The following GPAT4 variants were observed in gnomAD, a reference collection of about 807,000 sequenced individuals.
GPAT4 encodes 1-AGP acyltransferase 6.
GPAT4 carries 17 observed loss-of-function variants against 58.0 expected under a neutral mutation model. The observed-to-expected ratio is 0.29, with a 90% CI of 0.20 to 0.44. GPAT4 has a LOEUF of 0.44. GPAT4 is among the 20% of genes least tolerant of loss of function. The pLI, the probability that GPAT4 is intolerant of heterozygous loss-of-function variation, is 1.00. For synonymous variants in GPAT4, 204 were observed against 210.1 expected (o/e 0.97, Z 0.25); for missense variants, 377 against 574.5 (o/e 0.66, Z 3.51).
intron 12 of GPAT4, 45 bp from the exon 13 acceptor site, chr8:41,620,848 G>A: frequency 1.3e-6 from 2 of 1,549,200 alleles, no homozygotes; most frequent in Non-Finnish European, 1.7e-6. Context: ...GAGCGTGGCT[G>A]GGAGCCCTCT....
rs528447868 is a variant in GPAT4, at chr8:41,619,983, C to CA, written c.1263-907dup. 3.8e-4 allele frequency among the ~76,000 whole-genome samples: 58 copies of CA among 152,308 alleles called. 1 individual carries two copies. Among genetic ancestry groups the CA allele is most frequent in the Middle Eastern group, 3.4e-3 (1 of 294 alleles). ...ATTTTGCAGATGAGAAACTGAGACT[C>CA]AAATCACTTTTTTCCAAAGTCATAA... On this transcript the variant is annotated intron_variant, in intron 12 of 12. Coordinates refer to ENST00000396987, the MANE Select transcript of GPAT4 (RefSeq NM_178819.4).
At position 41,620,928 on chromosome 8, in the gene GPAT4, C is replaced by A; in HGVS notation, c.1298C>A (p.Thr433Lys). The change falls in exon 13 of 13, where the codon ACG (threonine) becomes AAG (lysine). Residue 433 changes from threonine (T) to lysine (K), a missense_variant. Thr to Lys is a moderately conservative substitution (Grantham distance 78). Transcript: ENST00000396987. ...GGLKREKVKDTFKEEQQKLYS... is the reference protein window; with the variant it reads ...GGLKREKVKDKFKEEQQKLYS... ...CTGAAGAGGGAGAAGGTGAAGGACA[C>A]GTTCAAGGAGGAGCAGCAGAAGCTG... The A allele has an allele frequency of 6.4e-7, 1 of 1,551,692 alleles. No individual in the cohort carries two copies. Among genetic ancestry groups the A allele is most frequent in the South Asian group, 1.2e-5 (1 of 84,056 alleles).
chr8:41,610,916 A>G, intron 5 of GPAT4, 106 bp downstream of exon 5: 1 of 1,186,622 alleles, frequency 8.4e-7, no homozygotes, highest in South Asian at 1.7e-5. Context: ...AAGCCATGGA[A>G]TCTTAGATGG....
chr8:41,599,584 T>TC (rs1423192400), intron 2 of GPAT4, among the ~76,000 whole-genome samples: 8 of 152,112 alleles, frequency 5.3e-5, no homozygotes, highest in African/African-American at 9.7e-5. Context: ...GCACTGCCAA[T>TC]CTCTGTCTCT....
At position 41,624,711 on chromosome 8, in the gene GPAT4, A is replaced by T. The variant is rs1469992642; in HGVS notation, c.*3710A>T. 1 of 152,222 alleles carries T rather than the reference A, an allele frequency of 6.6e-6. No individual in the cohort carries two copies. Among genetic ancestry groups the T allele is most frequent in the Non-Finnish European group, 1.5e-5 (1 of 68,054 alleles). 9.4% of individuals were successfully genotyped at this position (152,222 alleles called of 1,614,324 possible). On this transcript the variant is annotated 3_prime_UTR_variant, in exon 13 of 13. Transcript: ENST00000396987. The stretch of plus-strand genomic sequence containing the variant: ...AGTCAATATGTCTCTCTCCGATGGG[A>T]AAGTTAATAAATTTTGCTCTAGATT...
At chr8:41,603,542 A>G (rs1803165368) in intron 2 of GPAT4, among the ~76,000 whole-genome samples, 1 of 151,802 alleles carries the variant, frequency 6.6e-6, no homozygotes, top group Admixed American at 6.6e-5. Context: ...AAAAAAAAAA[A>G]AAAAGTAATT....
At chr8:41,616,039 C>CTG (rs1803586889) in intron 10 of GPAT4, among the ~76,000 whole-genome samples, 1 of 152,188 alleles carries the variant, frequency 6.6e-6, no homozygotes, top group Admixed American at 6.5e-5. Context: ...CCTGAGGATG[C>CTG]TGTGTCTGGA....
chr8:41,582,477 A>ACAC (rs745563724), intron 1 of GPAT4, among the ~76,000 whole-genome samples: 5 of 96,652 alleles, frequency 5.2e-5, no homozygotes, highest in Non-Finnish European at 1.2e-4. Flanking sequence ...ACACACACAC[A>ACAC]TCTTTCTTTC....
chr8:41,599,006 G>A lies in GPAT4; in HGVS notation c.-134G>A, dbSNP rs368137766. ...TTCTATTCAGGCGGTTGAAGGGTGT[G>A]GACTTTGGAATGGGGTTTGCTGTTC... On this transcript the variant is annotated 5_prime_UTR_variant, in exon 2 of 13. Coordinates refer to ENST00000396987, the MANE Select transcript of GPAT4 (RefSeq NM_178819.4). 7.3e-5 allele frequency: 89 copies of A among 1,218,500 alleles called. 1 individual carries two copies. The highest frequency in any genetic ancestry group is 6.1e-4 in the East Asian group (26 of 42,316). 75.5% of individuals were successfully genotyped at this position (1,218,500 alleles called of 1,614,324 possible).
In GPAT4 at chr8:41,612,871, G is replaced by A. The variant is rs765075072; in HGVS notation, c.822G>A (p.Met274Ile). Residue 274 changes from methionine (M) to isoleucine (I), a missense_variant, in exon 8 of 13, where the codon ATG becomes ATA. Coordinates refer to ENST00000396987, the MANE Select transcript of GPAT4 (RefSeq NM_178819.4). ...AMVGQVHGGL[M>I]GVIQRAMVKA... ...TGGGTCAAGTGCACGGGGGACTCAT[G>A]GGTGTGATTCAGAGAGCCATGGTGA... 4 of 1,613,950 alleles carry A rather than the reference G, an allele frequency of 2.5e-6. No homozygotes were observed. In the Admixed American group the frequency reaches 5.0e-5, roughly 20 times the overall value.
chr8:41,603,834 C>T (rs971701490), intron 2 of GPAT4, among the ~76,000 whole-genome samples: 1 of 152,176 alleles, frequency 6.6e-6, no homozygotes, highest in Non-Finnish European at 1.5e-5. Context: ...CCCTGAAGGC[C>T]AGCACCAGCC....
chr8:41,597,606 C>T (rs1802967555), intron 1 of GPAT4, among the ~76,000 whole-genome samples: 1 of 152,026 alleles, frequency 6.6e-6, no homozygotes, highest in Non-Finnish European at 1.5e-5. Context: ...TGTACTAAGT[C>T]ATGCATGTAC....
intron 2 of GPAT4, among the ~76,000 whole-genome samples, chr8:41,607,406 G>C (rs1055334669): frequency 6.6e-6 from 1 of 152,146 alleles, no homozygotes; most frequent in Non-Finnish European, 1.5e-5. Flanking sequence ...GAGCCTGCAG[G>C]CGTCTTGAAT....
chr8:41,599,320 A>T lies in GPAT4; in HGVS notation c.165+16A>T. ...AATCTTTGCGGTAAGTTATGCTGTT[A>T]CAAAAGGTTGCTTCACAGAGGAGGG... On this transcript the variant is annotated intron_variant, in intron 2 of 12. Coordinates refer to ENST00000396987, the MANE Select transcript of GPAT4 (RefSeq NM_178819.4). 1 of 1,612,716 alleles carries T rather than the reference A, an allele frequency of 6.2e-7. No homozygotes were observed. Among genetic ancestry groups the T allele is most frequent in the Non-Finnish European group, 8.5e-7 (1 of 1,179,606 alleles).
intron 1 of GPAT4, among the ~76,000 whole-genome samples, chr8:41,581,345 C>G (rs1369746233): frequency 6.6e-6 from 1 of 152,162 alleles, no homozygotes; most frequent in Non-Finnish European, 1.5e-5. Context: ...TTGCCTTGTA[C>G]AATCTTAGTA....
chr8:41,613,786 C>T (rs996702508), intron 8 of GPAT4, among the ~76,000 whole-genome samples: 5 of 152,000 alleles, frequency 3.3e-5, no homozygotes, highest in Non-Finnish European at 4.4e-5. Flanking sequence ...CGTGGTGGTA[C>T]GCTTCTGTAG....
chr8:41,614,274 T>C, intron 8 of GPAT4, 112 bp from the exon 9 acceptor site: 1 of 891,016 alleles, frequency 1.1e-6, no homozygotes, highest in East Asian at 2.7e-5. Context: ...GTTATGCTTG[T>C]TAACTTTTTA....
At chr8:41,593,662 G>T (rs929739885) in intron 1 of GPAT4, among the ~76,000 whole-genome samples, 6 of 152,184 alleles carry the variant, frequency 3.9e-5, no homozygotes, top group African/African-American at 1.4e-4. Flanking sequence ...ACAAGGTAGG[G>T]TCCTTCCCAG....
intron 1 of GPAT4, among the ~76,000 whole-genome samples, chr8:41,596,343 C>CA (rs1168003366): frequency 6.6e-6 from 1 of 152,188 alleles, no homozygotes; most frequent in East Asian, 1.9e-4. Flanking sequence ...AAACCAAAAT[C>CA]AGAGTATCAA....
Sources: allele counts gnomAD v4.1 joint callset (sites outside exome capture counted in the v4.1 genomes callset), GRCh38; gene constraint gnomAD v4.1.1; transcripts MANE v1.5; gene names NCBI Gene and HGNC (gene_info 2026-07-23, HGNC 2026-07-21).